The following TM7SF2 variants were observed in gnomAD, a reference collection of about 807,000 sequenced individuals.
TM7SF2 encodes the protein transmembrane 7 superfamily member 2.
TM7SF2 carries 51 observed loss-of-function variants against 51.0 expected under a neutral mutation model. The observed-to-expected ratio is 1.00, with a 90% confidence interval of 0.80 to 1.26. The LOEUF is 1.26. Among genes scored for constraint, TM7SF2 ranks in the 50% most tolerant of loss-of-function variants. TM7SF2 has a pLI of 0.00. For missense variants in TM7SF2, 541 were observed against 547.4 expected, an observed-to-expected ratio of 0.99 and a Z score of 0.12; for synonymous variants, 255 against 241.0, an observed-to-expected ratio of 1.06 and a Z score of -0.54.
intron 5 of TM7SF2, chr11:65,113,852 G>A: frequency 1.9e-6 from 1 of 527,438 alleles, no homozygotes; most frequent in East Asian, 3.3e-5. Flanking sequence ...TATACAGCAT[G>A]TCAGGGATGA....
In TM7SF2 at chr11:65,116,102, C is replaced by T. The variant is rs763791321; in HGVS notation, c.*49C>T. 2.4e-5 allele frequency: 38 copies of T among 1,579,606 alleles called. No individual in the cohort carries two copies. Among genetic ancestry groups the T allele is most frequent in the Non-Finnish European group, 3.2e-5 (37 of 1,166,110 alleles). On this transcript the variant is annotated 3_prime_UTR_variant, in exon 10 of 10. Transcript: ENST00000279263. ...GGGCATGTGCCCACTCATCCACCAG[C>T]ACACCCAGGACCAGGAGCCTCGACA...
chr11:65,113,590 G>GC lies in TM7SF2; in HGVS notation c.600dup (p.Trp201LeufsTer36). 1.2e-6 allele frequency: 2 copies of GC among 1,613,828 alleles called. No individual in the cohort carries two copies. The highest frequency in any genetic ancestry group is 1.7e-6 in the Non-Finnish European group (2 of 1,179,906). On this transcript the variant is annotated frameshift_variant, in exon 5 of 10. Transcript: ENST00000279263. LOFTEE classifies it high-confidence loss of function. ...TGTGAACTGCGACCCGGCCTCATCG[G>GC]CTGGGTATGTTGGGCTTGACTGAGC...
At position 65,115,012 on chromosome 11, in the gene TM7SF2, G is replaced by T. The variant is rs1947958533; in HGVS notation, c.823G>T (p.Ala275Ser). The T allele has an allele frequency of 6.2e-7, 1 of 1,614,030 alleles. No homozygotes were observed. The highest frequency in any genetic ancestry group is 1.3e-5 in the African/African-American group (1 of 74,940). Residue 275 changes from alanine (A) to serine (S), a missense_variant, in exon 7 of 10, where the codon GCC becomes TCC. Coordinates refer to ENST00000279263, the MANE Select transcript of TM7SF2 (RefSeq NM_003273.6). ...GGTGCCCTTCACCTACAGCCTGCAG[G>T]CCCAGTTCCTGCTGCACCACCCGCA... ...AWVPFTYSLQ[A>S]QFLLHHPQPL...
Position 65,112,634 on chromosome 11 carries a change from T to C in TM7SF2, c.172T>C (p.Trp58Arg). ...GTCCCTGCCGGGGCTGGAGGTGCTGTGGAGCCCACGGGCGCTGCTGCTGTG... is the reference window on the plus strand; with the variant it reads ...GTCCCTGCCGGGGCTGGAGGTGCTGCGGAGCCCACGGGCGCTGCTGCTGTG... ...PASLPGLEVL[W>R]SPRALLLWLA... The change falls in exon 2 of 10, where the codon TGG becomes CGG. Residue 58 changes from tryptophan (W) to arginine (R), a missense_variant. By Grantham distance (101) the Trp-to-Arg change is moderately radical. Coordinates refer to ENST00000279263, the MANE Select transcript of TM7SF2 (RefSeq NM_003273.6). 1.3e-6 allele frequency: 2 copies of C among 1,533,804 alleles called. No individual in the cohort carries two copies. The highest frequency in any genetic ancestry group is 1.8e-6 in the Non-Finnish European group (2 of 1,142,794).
intron 5 of TM7SF2, 161 bp from the exon 6 acceptor site, chr11:65,114,552 T>C: frequency 1.2e-6 from 1 of 839,560 alleles, no homozygotes; most frequent in Non-Finnish European, 1.8e-6. Context: ...AGAAACAGGC[T>C]GCGGGCACCT....
chr11:65,115,192 C>T, intron 7 of TM7SF2, 111 bp downstream of exon 7: 1 of 1,592,440 alleles, frequency 6.3e-7, no homozygotes. Flanking sequence ...TTCTCTAAAG[C>T]CAGGGCAGGG....
chr11:65,115,119 C>G (rs1947960393), intron 7 of TM7SF2, 38 bp downstream of exon 7: 1 of 1,606,502 alleles, frequency 6.2e-7, no homozygotes, highest in South Asian at 1.1e-5. Flanking sequence ...GCCCATCTTC[C>G]CCCTATCCCT....
chr11:65,112,643 C>A lies in TM7SF2; in HGVS notation c.181C>A (p.Arg61=), dbSNP rs1179972352. ...LPGLEVLWSP[R]ALLLWLAWLG... is the part of the protein sequence containing the mutation. ...GGGGCTGGAGGTGCTGTGGAGCCCA[C>A]GGGCGCTGCTGCTGTGGCTCGCCTG... Residue 61 remains arginine, a synonymous_variant, in exon 2 of 10, where the codon CGG becomes AGG. Coordinates refer to ENST00000279263, the MANE Select transcript of TM7SF2 (RefSeq NM_003273.6). The A allele has an allele frequency of 4.6e-6, 7 of 1,536,172 alleles. No individual in the cohort carries two copies. Among genetic ancestry groups the A allele is most frequent in the Non-Finnish European group, 6.1e-6 (7 of 1,143,422 alleles).
rs1328711241 is a variant in TM7SF2 at position 65,112,683 on chromosome 11, C to T, written c.221C>T (p.Ala74Val). The T allele has an allele frequency of 8.5e-6, 13 of 1,536,572 alleles. No homozygotes were observed. The highest frequency in any genetic ancestry group is 2.0e-5 in the Admixed American group (1 of 50,422). ...LLWLAWLGLQ[A>V]ALYLLPARKV... Reference sequence around the variant, plus strand: ...TGGCTCGCCTGGCTCGGCCTGCAGGCGGCGCTCTACCTACTGCCGGCGCGC... The same window carrying T: ...TGGCTCGCCTGGCTCGGCCTGCAGGTGGCGCTCTACCTACTGCCGGCGCGC... The change falls in exon 2 of 10, where the codon GCG becomes GTG. Residue 74 changes from alanine to valine, a missense_variant. Ala to Val is a moderately conservative substitution (Grantham distance 64). Coordinates refer to ENST00000279263, the MANE Select transcript of TM7SF2 (RefSeq NM_003273.6).
intron 1 of TM7SF2, 195 bp downstream of exon 1, chr11:65,112,262 C>T (rs1395078508): frequency 3.0e-6 from 2 of 668,430 alleles, no homozygotes; most frequent in African/African-American, 1.9e-5. Flanking sequence ...GGCTGCAGAA[C>T]GGGGATTTAT....
In TM7SF2 at chr11:65,115,878, C is replaced by A. The variant is rs1381117143; in HGVS notation, c.1097-15C>A. On this transcript the variant is annotated splice_polypyrimidine_tract_variant and intron_variant, in intron 9 of 9. Coordinates refer to ENST00000279263, the MANE Select transcript of TM7SF2 (RefSeq NM_003273.6). ...AGGGGCCGGCAGGGTGGTCACAGAG[C>A]CTCCTTCTCTACAGGGGTGTCACAC... The A allele has an allele frequency of 6.8e-6, 11 of 1,613,898 alleles. No individual in the cohort carries two copies. Among genetic ancestry groups the A allele is most frequent in the African/African-American group, 2.7e-5 (2 of 74,904 alleles).
In TM7SF2 at chr11:65,113,228, G is replaced by A; in HGVS notation, c.313G>A (p.Ala105Thr). ...TGTGCGCTGTGGTTCAGGCTTCCAG[G>A]CCCTGGTGCTGACAGCCCTGTTGGT... ...RLRYPINGFQ[A>T]LVLTALLVGL... The change falls in exon 4 of 10, where the codon GCC becomes ACC. Residue 105 changes from alanine (A) to threonine (T), a missense_variant. Physicochemically the swap from Ala to Thr is moderately conservative, Grantham distance 58. Transcript: ENST00000279263. 4.4e-6 allele frequency: 7 copies of A among 1,599,556 alleles called. No individual in the cohort carries two copies. Among genetic ancestry groups the A allele is most frequent in the Non-Finnish European group, 5.9e-6 (7 of 1,178,576 alleles).
chr11:65,113,131 GC>G (rs1157047895), intron 3 of TM7SF2, 88 bp from the exon 4 acceptor site: 1 of 1,371,226 alleles, frequency 7.3e-7, no homozygotes, highest in Non-Finnish European at 9.7e-7. Flanking sequence ...AGGGTCTGTG[GC>G]CCCCCTGAGT....
intron 3 of TM7SF2, 176 bp downstream of exon 3, chr11:65,113,041 C>A: frequency 9.7e-7 from 1 of 1,032,928 alleles, no homozygotes; most frequent in Non-Finnish European, 1.4e-6. Flanking sequence ...AGCCTTACCC[C>A]ATTTACTGCT....
At chr11:65,112,447 G>A in intron 1 of TM7SF2, 68 bp from the exon 2 acceptor site, 5 of 1,427,508 alleles carry the variant, frequency 3.5e-6, no homozygotes, top group South Asian at 1.4e-5. Context: ...ACGTCAGGGC[G>A]CCCGTGCGGG....
Position 65,111,896 on chromosome 11 carries a change from T to G in TM7SF2, c.-120T>G, listed in dbSNP as rs1190934041. The G allele has an allele frequency of 1.7e-6, 2 of 1,189,212 alleles. No individual in the cohort carries two copies. The allele number at this position is 1,189,212 out of a possible 1,614,324, so 73.7% of individuals were successfully genotyped here. A position where few individuals can be genotyped will look rare whatever the true frequency, so the allele number is the denominator to read the frequency against. ...TGTCTGCGTTCCGTGTCCAGGCAGGTGCAGGCGCCGCGGGGCCGGATCCTC... is the reference window on the plus strand; with the variant it reads ...TGTCTGCGTTCCGTGTCCAGGCAGGGGCAGGCGCCGCGGGGCCGGATCCTC... On this transcript the variant is annotated 5_prime_UTR_variant, in exon 1 of 10. Coordinates refer to ENST00000279263, the MANE Select transcript of TM7SF2 (RefSeq NM_003273.6).
rs753425527 is a variant in TM7SF2 at position 65,111,892 on chromosome 11, C to A, written c.-124C>A. Reference sequence around the variant, plus strand: ...TCCTTGTCTGCGTTCCGTGTCCAGGCAGGTGCAGGCGCCGCGGGGCCGGAT... The same window carrying A: ...TCCTTGTCTGCGTTCCGTGTCCAGGAAGGTGCAGGCGCCGCGGGGCCGGAT... On this transcript the variant is annotated 5_prime_UTR_variant, in exon 1 of 10. Coordinates refer to ENST00000279263, the MANE Select transcript of TM7SF2 (RefSeq NM_003273.6). 1.4e-5 allele frequency: 16 copies of A among 1,142,852 alleles called. No individual in the cohort carries two copies. The highest frequency in any genetic ancestry group is 2.1e-5 in the Non-Finnish European group (16 of 780,302). 70.8% of individuals were successfully genotyped at this position (1,142,852 alleles called of 1,614,324 possible). A position where few individuals can be genotyped will look rare whatever the true frequency, so the allele number is the denominator to read the frequency against.
At chr11:65,114,534 A>G in intron 5 of TM7SF2, 179 bp from the exon 6 acceptor site, 1 of 717,552 alleles carries the variant, frequency 1.4e-6, no homozygotes. Context: ...AGGACAGACA[A>G]GGCAAGAAGA....
At chr11:65,113,651 G>C in intron 5 of TM7SF2, 57 bp downstream of exon 5, 2 of 1,509,354 alleles carry the variant, frequency 1.3e-6, no homozygotes, top group Non-Finnish European at 1.8e-6. Flanking sequence ...GGGTGGGTGA[G>C]CAGCGCTTGG....
Sources: gnomAD v4.1 joint callset for allele counts on GRCh38, gnomAD v4.1.1 for gene constraint, MANE v1.5 for transcripts, NCBI Gene and HGNC (gene_info 2026-07-23, HGNC 2026-07-21) for gene names.